VWA8: variants seen among roughly 807,000 people sequenced by gnomAD.
VWA8 encodes von Willebrand factor A domain-containing protein 8.
Under a neutral mutation model 241.5 loss-of-function variants are expected in VWA8, and 221 were observed. The ratio of observed to expected loss-of-function variants is 0.91; its 90% CI spans 0.82 to 1.02. VWA8 has a LOEUF of 1.02. Among genes scored for constraint, VWA8 ranks in the 50% least tolerant of loss-of-function variants. The pLI is 0.00. For synonymous variants in VWA8, 852 were observed against 827.1 expected, an observed-to-expected ratio of 1.03 and a Z score of -0.52; for missense variants, 2,322 against 2,328.7, an observed-to-expected ratio of 1.00 and a Z score of 0.06.
At chr13:41,708,635 T>A (rs1289510293) in intron 26 of VWA8, among the ~76,000 whole-genome samples, 1 of 152,210 alleles carries the variant, frequency 6.6e-6, no homozygotes, top group African/African-American at 2.4e-5. Context: ...TTAGCTATTA[T>A]GGCTTCCACT....
At chr13:41,873,822 T>C (rs1253948436) in intron 9 of VWA8, among the ~76,000 whole-genome samples, 3 of 152,152 alleles carry the variant, frequency 2.0e-5, no homozygotes, top group Non-Finnish European at 2.9e-5. Flanking sequence ...GAATCCTCCC[T>C]AACTCATTTT....
At chr13:41,671,496 C>G (rs2045023494) in intron 36 of VWA8, among the ~76,000 whole-genome samples, 1 of 152,166 alleles carries the variant, frequency 6.6e-6, no homozygotes. Flanking sequence ...ATTAGGTTCT[C>G]TAAACTTGCT....
chr13:41,724,452 C>T (rs563030502), intron 24 of VWA8, among the ~76,000 whole-genome samples: 38 of 152,218 alleles, frequency 2.5e-4, no homozygotes, highest in Middle Eastern at 6.8e-3. Context: ...GCTGCTGATA[C>T]AGGAGAGGGA....
At chr13:41,773,055 A>G (rs536634004) in intron 20 of VWA8, among the ~76,000 whole-genome samples, 2 of 152,328 alleles carry the variant, frequency 1.3e-5, no homozygotes, top group African/African-American at 2.4e-5. Context: ...GGCTGTGTAG[A>G]CTGCATATAT....
At chr13:41,685,927 T>C (rs183216301) in intron 34 of VWA8, among the ~76,000 whole-genome samples, 36 of 152,314 alleles carry the variant, frequency 2.4e-4, no homozygotes, top group African/African-American at 7.7e-4. Context: ...ATCATAAAGA[T>C]AATTTCTTAT....
intron 20 of VWA8, among the ~76,000 whole-genome samples, chr13:41,765,289 GGTA>G (rs1344297566): frequency 3.9e-5 from 6 of 152,070 alleles, no homozygotes; most frequent in Admixed American, 3.9e-4. Flanking sequence ...TCAACTCAAG[GGTA>G]GCTCATCCCC....
chr13:41,607,533 T>C (rs2044560794), intron 39 of VWA8, among the ~76,000 whole-genome samples: 1 of 152,146 alleles, frequency 6.6e-6, no homozygotes, highest in Non-Finnish European at 1.5e-5. Context: ...ACATGCCACC[T>C]ACCCCTTCAT....
intron 9 of VWA8, among the ~76,000 whole-genome samples, chr13:41,870,247 C>T (rs1048816036): frequency 6.6e-6 from 1 of 151,722 alleles, no homozygotes; most frequent in African/African-American, 2.4e-5. Context: ...CAACTATTGA[C>T]ACCTTAATTT....
chr13:41,920,283 T>A (rs1320125241), intron 2 of VWA8, among the ~76,000 whole-genome samples: 2 of 152,154 alleles, frequency 1.3e-5, no homozygotes, highest in Non-Finnish European at 2.9e-5. Context: ...AGGCTCCCCT[T>A]CTTCCCTGGA....
At chr13:41,678,870 G>C (rs1044294605) in intron 35 of VWA8, among the ~76,000 whole-genome samples, 1 of 152,164 alleles carries the variant, frequency 6.6e-6, no homozygotes, top group Non-Finnish European at 1.5e-5. Context: ...GGGAAATATA[G>C]TAAAGGTGGT....
At chr13:41,917,425 A>C (rs1162657176) in intron 2 of VWA8, among the ~76,000 whole-genome samples, 1 of 152,154 alleles carries the variant, frequency 6.6e-6, no homozygotes, top group Non-Finnish European at 1.5e-5. Context: ...TTCTTTTTTA[A>C]ATTTTTTAAA....
At chr13:41,955,174 AT>A (rs1355650100) in intron 1 of VWA8, among the ~76,000 whole-genome samples, 1 of 152,206 alleles carries the variant, frequency 6.6e-6, no homozygotes. Flanking sequence ...ATCTATAATG[AT>A]TTAAGTGAGG....
At position 41,707,760 on chromosome 13, in the gene VWA8, A is replaced by G. The variant is rs367664933; in HGVS notation, c.3117-4349T>C. On this transcript the variant is annotated intron_variant, in intron 26 of 44. Coordinates refer to ENST00000379310, the MANE Select transcript of VWA8 (RefSeq NM_015058.2). ...ATATGCTATGCATTTTCATGCTTCC[A>G]GGAGGCCATTACCTCTGCCTAGAAT... 2.6e-5 allele frequency among the ~76,000 whole-genome samples: 4 copies of G among 152,258 alleles called. No individual in the cohort carries two copies. The South Asian group carries it at 8.3e-4, about 32-fold the overall frequency.
Position 41,912,117 on chromosome 13 carries a change from T to C in VWA8, c.293A>G (p.Gln98Arg), listed in dbSNP as rs748853303. The C allele has an allele frequency of 6.2e-7, 1 of 1,610,552 alleles. No homozygotes were observed. The highest frequency in any genetic ancestry group is 8.5e-7 in the Non-Finnish European group (1 of 1,177,784). Residue 98 changes from glutamine to arginine, a missense_variant, in exon 3 of 45, where the codon CAG (glutamine) becomes CGG (arginine). Transcript: ENST00000379310. Reference protein sequence around the residue: ...SVVQHLRWIMQKDLLGQDVFL... With the variant: ...SVVQHLRWIMRKDLLGQDVFL... The stretch of plus-strand genomic sequence containing the variant: ...AACATCTTGCCCCAAAAGATCCTTC[T>C]GCATTATCCATCTTAGATGCTGAAC...
chr13:41,883,309 G>A, intron 9 of VWA8, 78 bp downstream of exon 9: 1 of 1,113,466 alleles, frequency 9.0e-7, no homozygotes, highest in Non-Finnish European at 1.3e-6. Context: ...GGTGGGGAAA[G>A]GAGTGAGGGG....
intron 2 of VWA8, among the ~76,000 whole-genome samples, chr13:41,938,035 T>C (rs929288726): frequency 1.3e-5 from 2 of 151,312 alleles, no homozygotes; most frequent in East Asian, 3.9e-4. Flanking sequence ...GTGGCACACG[T>C]CTGTAATCCC....
intron 2 of VWA8, among the ~76,000 whole-genome samples, chr13:41,942,289 G>T (rs148139023): frequency 1.8e-3 from 280 of 152,258 alleles, no homozygotes; most frequent in African/African-American, 6.2e-3. Flanking sequence ...GAAATGAGTT[G>T]CAAGAGAATT....
At chr13:41,812,544 T>C (rs1870516285) in intron 16 of VWA8, among the ~76,000 whole-genome samples, 1 of 152,076 alleles carries the variant, frequency 6.6e-6, no homozygotes, top group African/African-American at 2.4e-5. Flanking sequence ...GAGGGGAGAA[T>C]GTCAAAGACA....
chr13:41,678,893 A>G (rs1196629496), intron 35 of VWA8, among the ~76,000 whole-genome samples: 1 of 152,228 alleles, frequency 6.6e-6, no homozygotes, highest in Non-Finnish European at 1.5e-5. Flanking sequence ...TAGTGGTGGT[A>G]GTAGCAGTAA....
Sources: allele counts gnomAD v4.1 joint callset (sites outside exome capture counted in the v4.1 genomes callset), GRCh38; gene constraint gnomAD v4.1.1; transcripts MANE v1.5; gene names NCBI Gene and HGNC (gene_info 2026-07-23, HGNC 2026-07-21).